Variants in PFKFB3 observed in about 807,000 individuals in gnomAD.
PFKFB3 encodes the protein 6-phosphofructo-2-kinase/fructose-2,6-bisphosphatase 3.
In PFKFB3, 33 loss-of-function variants were observed where a neutral mutation model predicts 68.0. The ratio of observed to expected loss-of-function variants is 0.49; its 90% CI spans 0.37 to 0.65. The LOEUF (loss-of-function observed/expected upper bound fraction) is 0.65, where lower values mean the gene tolerates loss of function less well. Among genes scored for constraint, PFKFB3 ranks in the 30% least tolerant of loss-of-function variants. The pLI is 0.00. For synonymous variants in PFKFB3, 315 were observed against 288.2 expected (o/e 1.09, Z -0.94); for missense variants, 586 against 712.2 (o/e 0.82, Z 2.02).
chr10:6,323,323 ATGT>A, the PFKFB3 span, among the ~76,000 whole-genome samples: 1 of 152,334 alleles, frequency 6.6e-6, no homozygotes, highest in East Asian at 1.9e-4. Flanking sequence ...AGGAAAGCTG[ATGT>A]TGTAACTCCC....
At chr10:6,312,265 C>T in the PFKFB3 span, among the ~76,000 whole-genome samples, 2 of 152,208 alleles carry the variant, frequency 1.3e-5, no homozygotes, top group Non-Finnish European at 2.9e-5. Flanking sequence ...ATTGAAAGCT[C>T]CTTTTCTATC....
chr10:6,273,447 A>G, the PFKFB3 span, among the ~76,000 whole-genome samples: 3 of 151,952 alleles, frequency 2.0e-5, no homozygotes, highest in Admixed American at 1.3e-4. Flanking sequence ...GGCCCTTTAC[A>G]GTGTATAAAG....
chr10:6,275,294 C>T, the PFKFB3 span, among the ~76,000 whole-genome samples: 2 of 152,234 alleles, frequency 1.3e-5, no homozygotes, highest in African/African-American at 4.8e-5. This position sits in a 1 kb window ranked among gnomAD's most constrained non-coding sequence, Gnocchi z 4.9. Flanking sequence ...CGGTAGATTT[C>T]TCTGCATAGC....
rs565450622 is a variant in PFKFB3, at chr10:6,248,756, A to G, written c.1516-5422A>G. 3.9e-5 allele frequency among the ~76,000 whole-genome samples: 6 copies of G among 152,326 alleles called. No individual in the cohort carries two copies. The East Asian group carries it at 1.2e-3, about 29-fold the overall frequency. ...ACTAATGTTGATTAATGCGTCATTA[A>G]TGCATTCATGTGGATTAGGAAAATG... On this transcript the variant is annotated intron_variant, in intron 14 of 14. Transcript: ENST00000640683.
At chr10:6,156,206 T>G (rs961791364) in intron 1 of PFKFB3, among the ~76,000 whole-genome samples, 2 of 150,192 alleles carry the variant, frequency 1.3e-5, no homozygotes, top group African/African-American at 4.9e-5. Context: ...CAGGCTGGAG[T>G]GCAGTGGCAC....
intron 1 of PFKFB3, among the ~76,000 whole-genome samples, chr10:6,206,747 TCCTCACTTTCCA>T (rs1843755559): frequency 7.1e-6 from 1 of 140,744 alleles, no homozygotes; most frequent in East Asian, 2.1e-4. Context: ...GAAGAGGCGC[TCCTCACTTTCCA>T]GACTGGGCAG....
chr10:6,242,090 C>T (rs1350204337), intron 14 of PFKFB3, among the ~76,000 whole-genome samples: 2 of 152,072 alleles, frequency 1.3e-5, no homozygotes, highest in African/African-American at 4.8e-5. Context: ...TGATTCTTCC[C>T]GCCTCAGCCT....
At chr10:6,265,884 C>T in the PFKFB3 span, among the ~76,000 whole-genome samples, 2 of 149,740 alleles carry the variant, frequency 1.3e-5, no homozygotes, top group African/African-American at 4.9e-5. Flanking sequence ...TTCTCTTGTC[C>T]TTCATTTTTT....
chr10:6,289,381 G>A, the PFKFB3 span, among the ~76,000 whole-genome samples: 7 of 151,666 alleles, frequency 4.6e-5, no homozygotes, highest in African/African-American at 7.3e-5. Flanking sequence ...TAATTTTTGT[G>A]TAAGGTGTAA....
At chr10:6,245,730 T>C (rs1388393583) in intron 14 of PFKFB3, 1 of 152,232 alleles carries the variant, frequency 6.6e-6, no homozygotes, top group Non-Finnish European at 1.5e-5. Flanking sequence ...TTTTTTATTT[T>C]TGAAGGCTAG....
intron 14 of PFKFB3, among the ~76,000 whole-genome samples, chr10:6,226,779 A>G (rs1845388843): frequency 6.6e-6 from 1 of 152,224 alleles, no homozygotes. Context: ...TTATCCCAGC[A>G]GGTAGTAAAA....
At chr10:6,254,577 C>T in exon 15 of PFKFB3, 3 of 381,666 alleles carry the variant, frequency 7.9e-6, no homozygotes, top group East Asian at 3.7e-5. Context: ...AATAGTGCTT[C>T]GAGTTCCCAT....
At chr10:6,217,060 GATGACATC>G in intron 5 of PFKFB3, 67 bp from the exon 6 acceptor site, 1 of 1,427,114 alleles carries the variant, frequency 7.0e-7, no homozygotes, top group Non-Finnish European at 9.9e-7. Flanking sequence ...TTGTCCGGGT[GATGACATC>G]GCAGTGATGG....
At chr10:6,165,805 T>C (rs112078895) in intron 1 of PFKFB3, among the ~76,000 whole-genome samples, 63 of 152,022 alleles carry the variant, frequency 4.1e-4, no homozygotes, top group African/African-American at 1.5e-3. Flanking sequence ...TTTTATTTTC[T>C]TTTTTCTTTG....
intron 12 of PFKFB3, 61 bp downstream of exon 12, chr10:6,224,081 G>C: frequency 1.2e-6 from 2 of 1,612,382 alleles, no homozygotes; most frequent in Middle Eastern, 1.7e-4. Context: ...GCTTCTTGTG[G>C]CCGTGGGCTG....
rs773328449 is a variant in PFKFB3, at chr10:6,203,121, C to T, written c.-140C>T. On this transcript the variant is annotated 5_prime_UTR_variant, in exon 1 of 15. Transcript: ENST00000379775. Reference sequence around the variant, plus strand: ...CGGAACTTAGCCCAAAGCACGTTTCCCCTGGCAGCGCAGGAAACGCCCGGC... The same window carrying T: ...CGGAACTTAGCCCAAAGCACGTTTCTCCTGGCAGCGCAGGAAACGCCCGGC... The T allele has an allele frequency of 1.1e-5, 17 of 1,483,870 alleles. No homozygotes were observed. Among genetic ancestry groups the T allele is most frequent in the South Asian group, 6.7e-5 (5 of 74,778 alleles). 91.9% of individuals were successfully genotyped at this position (1,483,870 alleles called of 1,614,324 possible). A position where few individuals can be genotyped will look rare whatever the true frequency, so the allele number is the denominator to read the frequency against.
At chr10:6,231,773 AC>A in intron 14 of PFKFB3, among the ~76,000 whole-genome samples, 1 of 146,426 alleles carries the variant, frequency 6.8e-6, no homozygotes, top group South Asian at 2.2e-4. Context: ...GCACCCATCA[AC>A]CCCCGCAGGC....
In PFKFB3 at chr10:6,240,936, ACT is replaced by A. The variant is rs1846125301; in HGVS notation, c.1516-13239_1516-13238del. ...TTTTTTTTTTTTGAGACAGATTCTC[ACT>A]CTGTTGCCCATGCTGGAGTGCAATG... On this transcript the variant is annotated intron_variant, in intron 14 of 14. Coordinates refer to the PFKFB3 transcript ENST00000640683. Among the ~76,000 whole-genome samples the A allele has an allele frequency of 2.0e-5, 3 of 150,056 alleles. No homozygotes were observed. In the East Asian group the frequency reaches 5.9e-4, roughly 30 times the overall value.
the PFKFB3 span, among the ~76,000 whole-genome samples, chr10:6,286,079 G>A: frequency 9.4e-3 from 1,358 of 144,682 alleles, 19 homozygotes; most frequent in African/African-American, 0.032. Context: ...CCGGGTTCAC[G>A]CCATTCTCCT....
Sources: gnomAD v4.1 joint callset for allele counts (sites outside exome capture counted in the v4.1 genomes callset) on GRCh38, gnomAD v4.1.1 for gene constraint, Gnocchi (gnomAD v3.1) non-coding constraint, MANE v1.5 for transcripts, NCBI Gene and HGNC (gene_info 2026-07-23, HGNC 2026-07-21) for gene names.